The following SF3A3 variants were observed in gnomAD, a reference collection of about 807,000 sequenced individuals.
SF3A3 encodes splicing factor 3a subunit 3, also known as SAP 61.
Under a neutral mutation model 85.8 loss-of-function variants are expected in SF3A3, and 9 were observed. That is an observed-to-expected ratio of 0.10 (90% CI 0.06 to 0.18). The LOEUF (loss-of-function observed/expected upper bound fraction) is 0.18. Among genes scored for constraint, SF3A3 ranks in the 10% least tolerant of loss-of-function variants. The pLI, the probability that SF3A3 is intolerant of heterozygous loss-of-function variation, is 1.00. For synonymous variants in SF3A3, 195 were observed against 204.4 expected, an observed-to-expected ratio of 0.95 and a Z score of 0.39; for missense variants, 306 against 593.3, an observed-to-expected ratio of 0.52 and a Z score of 5.03.
chr1:37,967,334 G>A (rs1374535649), intron 15 of SF3A3, among the ~76,000 whole-genome samples: 2 of 150,174 alleles, frequency 1.3e-5, no homozygotes, highest in Non-Finnish European at 3.0e-5. Context: ...ACCTGAGGTC[G>A]GGAGTTCAAG....
At chr1:37,959,803 C>A (rs1190146773) in intron 16 of SF3A3, among the ~76,000 whole-genome samples, 1 of 151,698 alleles carries the variant, frequency 6.6e-6, no homozygotes, top group African/African-American at 2.4e-5. Flanking sequence ...ACTAAAAATA[C>A]AAAAATTAGT....
chr1:37,987,735 T>C (rs1463401901), intron 3 of SF3A3, 49 bp downstream of exon 3: 2 of 1,601,088 alleles, frequency 1.2e-6, no homozygotes, highest in East Asian at 4.5e-5. Flanking sequence ...CCTCTAACCA[T>C]GGCTCCTCAG....
rs1646396553 is a variant in SF3A3, at chr1:37,978,726, G to A, written c.929C>T (p.Thr310Ile). 2 of 1,557,232 alleles carry A rather than the reference G, an allele frequency of 1.3e-6. No homozygotes were observed. Among genetic ancestry groups the A allele is most frequent in the Non-Finnish European group, 1.7e-6 (2 of 1,149,138 alleles). ...TGCTACCCCAGCCACTCACCGCTTG[G>A]TGCCCTTTGACTTGGGATTTTTGGC... ...LFAKNPKSKG[T>I]KRDTERNKDI... The change falls in exon 11 of 17, where the codon ACC (threonine) becomes ATC (isoleucine). Residue 310 changes from threonine to isoleucine, a missense_variant. By Grantham distance (89) the Thr-to-Ile change is moderately conservative. Around this residue, in one of 4 missense-constraint regions of SF3A3, gnomAD observed 136 missense variants for 296.6 expected, o/e 0.46. Coordinates refer to ENST00000373019, the MANE Select transcript of SF3A3 (RefSeq NM_006802.4).
In SF3A3 at chr1:37,968,038, A is replaced by T. The variant is rs887005556; in HGVS notation, c.1372+6T>A. 5 of 1,590,872 alleles carry T rather than the reference A, an allele frequency of 3.1e-6. No homozygotes were observed. In the African/African-American group the frequency reaches 5.4e-5, roughly 17 times the overall value. ...GCCTAGGAGACAGTAAATAAATCTT[A>T]CTTACAGGAGACAGCATCTTCAATC... On this transcript the variant is annotated splice_donor_region_variant and intron_variant, in intron 15 of 16. Coordinates refer to ENST00000373019, the MANE Select transcript of SF3A3 (RefSeq NM_006802.4).
In SF3A3 at chr1:37,956,986, A is replaced by C. The variant is rs1424231829; in HGVS notation, c.*1200T>G. On this transcript the variant is annotated 3_prime_UTR_variant, in exon 17 of 17. Transcript: ENST00000373019. ...GAAAAAGATTAACATTTTTTTAAAA[A>C]GTAGATTTATTAAAAAACAGTTGAA... 6.6e-6 allele frequency: 1 copy of C among 152,196 alleles called. No individual in the cohort carries two copies. The highest frequency in any genetic ancestry group is 1.5e-5 in the Non-Finnish European group (1 of 68,052). 9.4% of individuals were successfully genotyped at this position (152,196 alleles called of 1,614,324 possible).
At chr1:37,960,207 T>C (rs752677598) in intron 15 of SF3A3, 32 bp from the exon 16 acceptor site, 8 of 1,603,174 alleles carry the variant, frequency 5.0e-6, no homozygotes, top group Admixed American at 3.3e-5. Flanking sequence ...GCAATCAGGA[T>C]GGACTGAACA....
chr1:37,976,901 A>G lies in SF3A3; in HGVS notation c.988T>C (p.Tyr330His), dbSNP rs1646383043. ...TCACTTACCCCGAGAATCTCTACAT[A>G]TTCATAGATCTGGGCTTCTAGAAAA... is the stretch of plus-strand genomic sequence containing the variant. ...IAFLEAQIYEYVEILGEQRHL... is the reference protein window; with the variant it reads ...IAFLEAQIYEHVEILGEQRHL... The change falls in exon 12 of 17, where the codon TAT becomes CAT. Residue 330 changes from tyrosine (Y) to histidine (H), a missense_variant. By Grantham distance (83) the Tyr-to-His change is moderately conservative. Transcript: ENST00000373019. 6.2e-7 allele frequency: 1 copy of G among 1,604,374 alleles called. No homozygotes were observed. Among genetic ancestry groups the G allele is most frequent in the East Asian group, 2.2e-5 (1 of 44,794 alleles).
intron 12 of SF3A3, among the ~76,000 whole-genome samples, chr1:37,973,715 G>A (rs1448104438): frequency 1.3e-5 from 2 of 152,266 alleles, no homozygotes; most frequent in East Asian, 3.9e-4. Context: ...ATTTGACCCA[G>A]CCATCCCATT....
At chr1:37,972,650 G>A (rs987347688) in intron 12 of SF3A3, among the ~76,000 whole-genome samples, 5 of 152,168 alleles carry the variant, frequency 3.3e-5, no homozygotes, top group African/African-American at 1.2e-4. Flanking sequence ...AACCAAAACA[G>A]CATGGTACTG....
chr1:37,983,586 C>CAAAAAAGAAAAAAAAA (rs1646435227), intron 6 of SF3A3, among the ~76,000 whole-genome samples: 1 of 38,472 alleles, frequency 2.6e-5, no homozygotes, highest in Non-Finnish European at 3.9e-5. Context: ...GACCCTGTCT[C>CAAAAAAGAAAAAAAAA]AAAAAAAAAA....
At chr1:37,986,139 G>A (rs1646455215) in intron 4 of SF3A3, among the ~76,000 whole-genome samples, 1 of 151,886 alleles carries the variant, frequency 6.6e-6, no homozygotes, top group East Asian at 1.9e-4. Context: ...AGTAGAGAGA[G>A]GTTTCACCAT....
chr1:37,984,466 G>C (rs1424765537), intron 5 of SF3A3, among the ~76,000 whole-genome samples: 1 of 152,198 alleles, frequency 6.6e-6, no homozygotes, highest in Non-Finnish European at 1.5e-5. Context: ...ACTCATTTTA[G>C]TATTGTGAAC....
rs1255024671 is a variant in SF3A3 at position 37,967,753 on chromosome 1, G to A, written c.1372+291C>T. Among the ~76,000 whole-genome samples the A allele has an allele frequency of 2.7e-5, 4 of 148,922 alleles. No homozygotes were observed. In the South Asian group the frequency reaches 6.4e-4, roughly 24 times the overall value. On this transcript the variant is annotated intron_variant, in intron 15 of 16. Coordinates refer to ENST00000373019, the MANE Select transcript of SF3A3 (RefSeq NM_006802.4). ...CACGTGCCTGTAGTCCCAGCTACTC[G>A]GTAGGCTGAGGCAGGAGAATCGCTT... is the stretch of plus-strand genomic sequence containing the variant.
intron 12 of SF3A3, among the ~76,000 whole-genome samples, chr1:37,975,505 G>C (rs1202072232): frequency 7.4e-6 from 1 of 135,220 alleles, no homozygotes; most frequent in Non-Finnish European, 1.6e-5. Flanking sequence ...GACAGAGTGA[G>C]ATACTATTTC....
At chr1:37,962,494 T>G (rs1167641649) in intron 15 of SF3A3, among the ~76,000 whole-genome samples, 4 of 149,778 alleles carry the variant, frequency 2.7e-5, no homozygotes, top group East Asian at 4.0e-4. Flanking sequence ...TCCCTGCTAC[T>G]TGGGAGGCTG....
chr1:37,981,467 G>A (rs1646418290), intron 7 of SF3A3, among the ~76,000 whole-genome samples: 1 of 152,112 alleles, frequency 6.6e-6, no homozygotes, highest in African/African-American at 2.4e-5. Context: ...TCCCAGAGTG[G>A]GAGAGTTCCT....
chr1:37,969,533 A>G (rs777915472), intron 13 of SF3A3, 38 bp downstream of exon 13: 3 of 1,613,762 alleles, frequency 1.9e-6, no homozygotes, highest in East Asian at 4.5e-5. Flanking sequence ...TGTTTCCAAA[A>G]TGGGGAATGG....
At chr1:37,975,246 A>G (rs997614951) in intron 12 of SF3A3, among the ~76,000 whole-genome samples, 1 of 152,126 alleles carries the variant, frequency 6.6e-6, no homozygotes, top group Non-Finnish European at 1.5e-5. Context: ...TAAAGGATGG[A>G]GAGGCCGTCG....
At chr1:37,965,302 C>CAAAAAA (rs55747818) in intron 15 of SF3A3, among the ~76,000 whole-genome samples, 45 of 100,302 alleles carry the variant, frequency 4.5e-4, no homozygotes, top group East Asian at 8.7e-4. Flanking sequence ...CCCATCGGCA[C>CAAAAAA]AAAAAAAAAA....
Sources: gnomAD v4.1 joint callset for allele counts (sites outside exome capture counted in the v4.1 genomes callset) on GRCh38, gnomAD v4.1.1 for gene constraint, gnomAD v4.1.1 regional missense constraint, MANE v1.5 for transcripts, NCBI Gene and HGNC (gene_info 2026-07-23, HGNC 2026-07-21) for gene names.